EIF4G3: variants seen among roughly 807,000 people sequenced by gnomAD.
EIF4G3 encodes the protein eukaryotic translation initiation factor 4 gamma 3.
EIF4G3 carries 34 observed loss-of-function variants against 186.4 expected under a neutral mutation model. That is an observed-to-expected ratio of 0.18 (90% confidence interval 0.14 to 0.24). The LOEUF is 0.24. Ranked by LOEUF, EIF4G3 falls within the 10% of genes least tolerant of loss-of-function variation. The pLI is 1.00. For synonymous variants in EIF4G3, 673 were observed against 679.5 expected (o/e 0.99, Z 0.15); for missense variants, 1,536 against 1,948.5 (o/e 0.79, Z 3.99).
At chr1:20,842,402 T>C (rs1442831582) in intron 29 of EIF4G3, among the ~76,000 whole-genome samples, 1 of 152,192 alleles carries the variant, frequency 6.6e-6, no homozygotes, top group East Asian at 1.9e-4. Flanking sequence ...AGTTTCACTC[T>C]TGTTGCCCAG....
At chr1:21,060,224 A>G (rs1023693605) in intron 3 of EIF4G3, among the ~76,000 whole-genome samples, 3 of 152,236 alleles carry the variant, frequency 2.0e-5, no homozygotes, top group African/African-American at 7.2e-5. Flanking sequence ...TGCTGAAATT[A>G]CAGGCGTGCG....
intron 2 of EIF4G3, among the ~76,000 whole-genome samples, chr1:21,166,310 G>A (rs531551110): frequency 1.8e-4 from 27 of 151,752 alleles, no homozygotes; most frequent in African/African-American, 6.3e-4. Flanking sequence ...TGTGTCTGTG[G>A]TCCCAGTTAC....
At chr1:21,160,644 G>C (rs868296091) in intron 2 of EIF4G3, among the ~76,000 whole-genome samples, 2 of 152,074 alleles carry the variant, frequency 1.3e-5, no homozygotes, top group African/African-American at 4.8e-5. Context: ...CCATTCATGA[G>C]AAAACATCAA....
chr1:20,841,737 G>T (rs546584429), intron 29 of EIF4G3, among the ~76,000 whole-genome samples: 1 of 152,304 alleles, frequency 6.6e-6, no homozygotes, highest in African/African-American at 2.4e-5. Flanking sequence ...AAGTCGGTCA[G>T]CCAGAGTTGC....
At chr1:21,099,441 T>C (rs2096465955) in intron 2 of EIF4G3, among the ~76,000 whole-genome samples, 1 of 152,212 alleles carries the variant, frequency 6.6e-6, no homozygotes, top group Non-Finnish European at 1.5e-5. Flanking sequence ...TTAAAAGGAA[T>C]TAACTATTAA....
intron 14 of EIF4G3, among the ~76,000 whole-genome samples, chr1:20,936,313 G>T (rs1159331568): frequency 6.6e-6 from 1 of 152,148 alleles, no homozygotes; most frequent in East Asian, 1.9e-4. Context: ...TATCCCTAAG[G>T]ATCACTCAGA....
chr1:20,956,566 G>T (rs1310938129), intron 12 of EIF4G3, among the ~76,000 whole-genome samples: 2 of 133,556 alleles, frequency 1.5e-5, no homozygotes, highest in Admixed American at 1.8e-4. Flanking sequence ...ATTTAAAGGT[G>T]AGTCCTAGGC....
At chr1:21,158,682 A>C (rs1172112884) in intron 2 of EIF4G3, among the ~76,000 whole-genome samples, 1 of 152,122 alleles carries the variant, frequency 6.6e-6, no homozygotes, top group Non-Finnish European at 1.5e-5. Context: ...AAGCTGAGGC[A>C]GTAGAATTAC....
At chr1:20,870,183 T>C (rs528784938) in intron 20 of EIF4G3, among the ~76,000 whole-genome samples, 1 of 152,204 alleles carries the variant, frequency 6.6e-6, no homozygotes, top group African/African-American at 2.4e-5. Flanking sequence ...ATGTCTGCAA[T>C]TCCGGGCTTT....
intron 27 of EIF4G3, among the ~76,000 whole-genome samples, chr1:20,852,202 A>G (rs954039830): frequency 6.6e-6 from 1 of 151,994 alleles, no homozygotes; most frequent in Non-Finnish European, 1.5e-5. Context: ...GGGTTTCTCC[A>G]TGTTGGTCAG....
intron 4 of EIF4G3, among the ~76,000 whole-genome samples, chr1:21,011,558 T>G (rs1482887832): frequency 6.6e-6 from 1 of 152,142 alleles, no homozygotes; most frequent in Non-Finnish European, 1.5e-5. Flanking sequence ...TCTATGCAAT[T>G]TTATCACATG....
At chr1:20,862,057 C>G (rs563256212) in intron 23 of EIF4G3, among the ~76,000 whole-genome samples, 171 bp downstream of exon 23, 5 of 152,238 alleles carry the variant, frequency 3.3e-5, no homozygotes, top group Admixed American at 3.3e-4. Flanking sequence ...TGGCAATAGG[C>G]CTTTTGTCCC....
intron 4 of EIF4G3, among the ~76,000 whole-genome samples, chr1:21,012,263 T>C (rs1052400288): frequency 5.3e-5 from 8 of 152,204 alleles, no homozygotes; most frequent in African/African-American, 1.9e-4. Context: ...TATTTTATTG[T>C]GACCCTAAAA....
At chr1:21,057,668 T>C (rs1281660011) in intron 3 of EIF4G3, among the ~76,000 whole-genome samples, 2 of 152,162 alleles carry the variant, frequency 1.3e-5, no homozygotes, top group Non-Finnish European at 2.9e-5. Context: ...TGAACGTGTA[T>C]TTTAATCCTC....
At chr1:20,948,457 C>G (rs2154563206) in intron 13 of EIF4G3, among the ~76,000 whole-genome samples, 1 of 152,242 alleles carries the variant, frequency 6.6e-6, no homozygotes, top group Middle Eastern at 3.4e-3. Context: ...TGGTTTAAAA[C>G]TATCTTATAT....
chr1:21,172,732 T>C (rs890888564), intron 2 of EIF4G3, among the ~76,000 whole-genome samples: 1 of 151,374 alleles, frequency 6.6e-6, no homozygotes, highest in Non-Finnish European at 1.5e-5. Flanking sequence ...GTATTTTTAG[T>C]AGAGACGGGG....
In EIF4G3 at chr1:21,034,964, G is replaced by A. The variant is rs368256640; in HGVS notation, c.-67+15902C>T. 1.6e-4 allele frequency among the ~76,000 whole-genome samples: 24 copies of A among 152,180 alleles called. No individual in the cohort carries two copies. In the East Asian group the frequency reaches 3.3e-3, roughly 21 times the overall value. ...TGGGGCTGCAGGGGGACCCTGCAAC[G>A]ACATCACCCCTGCCCTGGATGCCAG... On this transcript the variant is annotated intron_variant, in intron 4 of 36. Coordinates refer to ENST00000602326, the MANE Select transcript of EIF4G3 (RefSeq NM_001391906.1).
intron 2 of EIF4G3, among the ~76,000 whole-genome samples, chr1:21,107,012 C>T (rs754802591): frequency 6.6e-6 from 1 of 152,086 alleles, no homozygotes; most frequent in South Asian, 2.1e-4. Flanking sequence ...CAATATATTG[C>T]TAAAATTTCT....
chr1:20,813,904 T>G (rs1255459841), intron 34 of EIF4G3, among the ~76,000 whole-genome samples: 1 of 149,082 alleles, frequency 6.7e-6, no homozygotes, highest in Non-Finnish European at 1.5e-5. Flanking sequence ...AATGATCTCT[T>G]GAACATCAGG....
Sources: gnomAD v4.1 joint callset for allele counts (sites outside exome capture counted in the v4.1 genomes callset) on GRCh38, gnomAD v4.1.1 for gene constraint, MANE v1.5 for transcripts, NCBI Gene and HGNC (gene_info 2026-07-23, HGNC 2026-07-21) for gene names.